The following SRGAP2 variants were observed in gnomAD, a reference collection of about 807,000 sequenced individuals.
SRGAP2 encodes the protein SLIT-ROBO Rho GTPase activating protein 2, also known as SLIT-ROBO Rho GTPase-activating protein 2.
In SRGAP2, 15 loss-of-function variants were observed where a neutral mutation model predicts 57.2. The observed-to-expected ratio is 0.26, with a 90% CI of 0.18 to 0.40. The LOEUF is 0.40. SRGAP2 is among the 10% of genes least tolerant of loss of function. The probability of loss-of-function intolerance (pLI) is 1.00; values close to 1 mark genes in which losing one functional copy is unlikely to be tolerated. For synonymous variants in SRGAP2, 249 were observed against 248.0 expected (o/e 1.00, Z -0.04); for missense variants, 520 against 669.6 (o/e 0.78, Z 2.47).
At chr1:206,434,950 CAT>C (rs1185426274) in intron 14 of SRGAP2, among the ~76,000 whole-genome samples, 2 of 152,234 alleles carry the variant, frequency 1.3e-5, no homozygotes, top group Non-Finnish European at 2.9e-5. Context: ...CATGTTGTGA[CAT>C]GTGGCTGTTT....
At chr1:206,429,326 C>G (rs966398893) in intron 13 of SRGAP2, among the ~76,000 whole-genome samples, 1 of 152,214 alleles carries the variant, frequency 6.6e-6, no homozygotes, top group Non-Finnish European at 1.5e-5. Flanking sequence ...TTCTGAAGCT[C>G]CCATTGGTTC....
At chr1:206,324,932 A>G (rs2102848753) in intron 3 of SRGAP2, among the ~76,000 whole-genome samples, 1 of 151,130 alleles carries the variant, frequency 6.6e-6, no homozygotes, top group South Asian at 2.1e-4. Flanking sequence ...ACTGTCTTCA[A>G]GAGAAGCCCT....
chr1:206,357,880 G>A (rs1228098563), intron 4 of SRGAP2, among the ~76,000 whole-genome samples: 1 of 145,462 alleles, frequency 6.9e-6, no homozygotes, highest in Non-Finnish European at 1.5e-5. Context: ...GAGCCACCAC[G>A]ACCAGCTGGC....
At chr1:206,276,966 T>A (rs1387477588) in intron 2 of SRGAP2, among the ~76,000 whole-genome samples, 1 of 136,580 alleles carries the variant, frequency 7.3e-6, no homozygotes, top group Non-Finnish European at 1.6e-5. Flanking sequence ...TCTATCACTC[T>A]TTTTTTTTTT....
intron 3 of SRGAP2, among the ~76,000 whole-genome samples, chr1:206,306,702 T>C (rs1672225859): frequency 1.3e-5 from 2 of 152,276 alleles, no homozygotes; most frequent in South Asian, 4.1e-4. Context: ...ACAAAGGTTC[T>C]CCACCTCCCC....
chr1:206,244,200 G>A (rs1553309737), intron 2 of SRGAP2, among the ~76,000 whole-genome samples: 1 of 86,690 alleles, frequency 1.2e-5, no homozygotes, highest in Non-Finnish European at 2.2e-5. Context: ...ACTTAGTATA[G>A]TATTATACAT....
rs1553371423 is a variant in SRGAP2, at chr1:206,440,041, A to G, written c.1834A>G (p.Thr612Ala). ...AGTCCTCCTAGTCCTGCCCAAAACCACTCTGATTATCATGAGATACCTCTT... is the reference window on the plus strand; with the variant it reads ...AGTCCTCCTAGTCCTGCCCAAAACCGCTCTGATTATCATGAGATACCTCTT... ...RKVLLVLPKT[T>A]LIIMRYLFAF... The change falls in exon 17 of 23, where the codon ACT becomes GCT. Residue 612 changes from threonine to alanine, a missense_variant. By Grantham distance (58) the Thr-to-Ala change is moderately conservative. This residue lies in a region of SRGAP2 where 478 missense variants were observed against 373.6 expected (regional missense o/e 1.28). Coordinates refer to ENST00000573034, the MANE Select transcript of SRGAP2 (RefSeq NM_015326.5). The G allele has an allele frequency of 1.3e-6, 1 of 780,594 alleles. No individual in the cohort carries two copies. Among genetic ancestry groups the G allele is most frequent in the Non-Finnish European group, 2.4e-6 (1 of 417,914 alleles). 48.4% of individuals were successfully genotyped at this position (780,594 alleles called of 1,614,324 possible).
At chr1:206,282,062 G>C (rs1286628077) in intron 2 of SRGAP2, among the ~76,000 whole-genome samples, 1 of 105,496 alleles carries the variant, frequency 9.5e-6, no homozygotes, top group Admixed American at 9.9e-5. Context: ...AGCAAGTCAT[G>C]TAGTGTGTTC....
intron 13 of SRGAP2, among the ~76,000 whole-genome samples, chr1:206,424,081 C>A (rs2103260495): frequency 6.6e-6 from 1 of 151,748 alleles, no homozygotes; most frequent in East Asian, 1.9e-4. Context: ...GCGTGAGCCA[C>A]CACGCCCGGC....
intron 2 of SRGAP2, among the ~76,000 whole-genome samples, chr1:206,277,185 C>T (rs1403961783): frequency 6.9e-6 from 1 of 144,826 alleles, no homozygotes; most frequent in Non-Finnish European, 1.5e-5. Context: ...GGCCATCTAT[C>T]ACTCTTTACG....
rs1553377702 is a variant in SRGAP2 at position 206,454,724 on chromosome 1, T to C, written c.2361-154T>C. Reference sequence around the variant, plus strand: ...TCAAAGGCCCTTAGGTTTCCTTGCCTCTGCTCACAGAACTAGTCCAGCCAG... The same window carrying C: ...TCAAAGGCCCTTAGGTTTCCTTGCCCCTGCTCACAGAACTAGTCCAGCCAG... On this transcript the variant is annotated intron_variant, in intron 20 of 22. Coordinates refer to ENST00000573034, the MANE Select transcript of SRGAP2 (RefSeq NM_015326.5). The surrounding 1 kb of genome is among the most constrained non-coding windows in gnomAD (Gnocchi z 4.3). The C allele has an allele frequency of 1.7e-6, 1 of 595,788 alleles. No homozygotes were observed. Among genetic ancestry groups the C allele is most frequent in the African/African-American group, 1.9e-5 (1 of 53,568 alleles). 36.9% of individuals were successfully genotyped at this position (595,788 alleles called of 1,614,324 possible). A position where few individuals can be genotyped will look rare whatever the true frequency, so the allele number is the denominator to read the frequency against.
At chr1:206,447,459 C>T (rs549424310) in intron 18 of SRGAP2, among the ~76,000 whole-genome samples, 1 of 152,318 alleles carries the variant, frequency 6.6e-6, no homozygotes, top group East Asian at 1.9e-4. Context: ...AGTGACATCC[C>T]TGGGTTCATC....
chr1:206,434,794 A>T (rs1661581973), intron 14 of SRGAP2, among the ~76,000 whole-genome samples: 1 of 152,086 alleles, frequency 6.6e-6, no homozygotes, highest in Admixed American at 6.5e-5. Flanking sequence ...CTTGTCCTGG[A>T]CCCCCAGGCC....
rs1491164060 is a variant in SRGAP2, at chr1:206,372,980, T to TC, written c.424-11033dup. On this transcript the variant is annotated intron_variant, in intron 4 of 22. Coordinates refer to ENST00000573034, the MANE Select transcript of SRGAP2 (RefSeq NM_015326.5). ...CTTTTCTTTCCTTTCTTTCTTTCTT[T>TC]CTTTCTTTCTTTCTTTCTTTCTTTC... is the stretch of plus-strand genomic sequence containing the variant. Among the ~76,000 whole-genome samples, 241 of 74,124 alleles carry TC rather than the reference T, an allele frequency of 3.3e-3. 22 individuals carry two copies. The highest frequency in any genetic ancestry group is 0.012 in the Middle Eastern group (2 of 172). 48.6% of individuals were successfully genotyped at this position (74,124 alleles called of 152,430 possible). A position where few individuals can be genotyped will look rare whatever the true frequency, so the allele number is the denominator to read the frequency against.
intron 12 of SRGAP2, among the ~76,000 whole-genome samples, chr1:206,419,689 G>A (rs1484147848): frequency 6.6e-6 from 1 of 152,062 alleles, no homozygotes; most frequent in African/African-American, 2.4e-5. Flanking sequence ...TGAATTGCAA[G>A]TAACATAAAC....
chr1:206,437,408 A>G (rs562452407), intron 15 of SRGAP2, among the ~76,000 whole-genome samples: 2 of 152,268 alleles, frequency 1.3e-5, no homozygotes, highest in South Asian at 4.1e-4. Context: ...TTTGTGGGCT[A>G]TTAAGGTAAT....
At chr1:206,394,472 G>C (rs1313755844) in intron 7 of SRGAP2, among the ~76,000 whole-genome samples, 3 of 152,292 alleles carry the variant, frequency 2.0e-5, no homozygotes, top group South Asian at 4.2e-4. Flanking sequence ...AGGTTTCTCA[G>C]TGTTAACTCA....
chr1:206,206,124 TC>T (rs1665893076), intron 2 of SRGAP2, 87 bp downstream of exon 2: 5 of 698,360 alleles, frequency 7.2e-6, no homozygotes, highest in Non-Finnish European at 1.2e-5. Flanking sequence ...GTTGTTCATT[TC>T]TTTGGGTGGA....
intron 3 of SRGAP2, among the ~76,000 whole-genome samples, chr1:206,341,717 G>A (rs1430858106): frequency 2.0e-5 from 3 of 152,118 alleles, no homozygotes; most frequent in African/African-American, 4.8e-5. Context: ...AGCATCTAGG[G>A]CTGGGCGCGG....
Sources: gnomAD v4.1 joint callset for allele counts (sites outside exome capture counted in the v4.1 genomes callset) on GRCh38, gnomAD v4.1.1 for gene constraint, gnomAD v4.1.1 regional missense constraint, Gnocchi (gnomAD v3.1) non-coding constraint, MANE v1.5 for transcripts, NCBI Gene and HGNC (gene_info 2026-07-23, HGNC 2026-07-21) for gene names.